The following DACH2 variants were observed in gnomAD, a reference collection of about 807,000 sequenced individuals.
DACH2 encodes the protein dachshund homolog 2.
DACH2 carries 17 observed loss-of-function variants against 35.8 expected under a neutral mutation model. That is an observed-to-expected ratio of 0.48 (90% CI 0.33 to 0.71). The LOEUF (loss-of-function observed/expected upper bound fraction) is 0.71. Among genes scored for constraint, DACH2 ranks in the 30% least tolerant of loss-of-function variants. The pLI is 0.02. For missense variants in DACH2, 469 were observed against 472.7 expected, an observed-to-expected ratio of 0.99 and a Z score of 0.07; for synonymous variants, 195 against 177.3, an observed-to-expected ratio of 1.10 and a Z score of -0.79.
intron 3 of DACH2, among the ~76,000 whole-genome samples, chrX:86,576,606 C>T (rs5968948): frequency 0.47 from 51,810 of 109,538 alleles, 10,708 homozygotes; most frequent in African/African-American, 0.8. Flanking sequence ...AATTTCAGAC[C>T]TAAACCAAAT....
intron 1 of DACH2, among the ~76,000 whole-genome samples, chrX:86,242,453 A>AC (rs2033186847): frequency 8.9e-6 from 1 of 111,822 alleles, no homozygotes; most frequent in Admixed American, 9.5e-5. Flanking sequence ...TAATGCCTGC[A>AC]CCCCCATTTT....
intron 1 of DACH2, among the ~76,000 whole-genome samples, chrX:86,247,066 T>C (rs2033300398): frequency 9.0e-6 from 1 of 111,294 alleles, no homozygotes; most frequent in Non-Finnish European, 1.9e-5. Flanking sequence ...CCAATGAAGA[T>C]GAAAAAGACA....
At chrX:86,383,919 A>C (rs1016705518) in intron 2 of DACH2, among the ~76,000 whole-genome samples, 2 of 111,034 alleles carry the variant, frequency 1.8e-5, no homozygotes, top group African/African-American at 6.5e-5. Context: ...TTGCATGTAC[A>C]TTTAATAATG....
At chrX:86,507,614 G>A (rs1331431254) in intron 2 of DACH2, among the ~76,000 whole-genome samples, 4 of 111,491 alleles carry the variant, frequency 3.6e-5, no homozygotes, top group Non-Finnish European at 7.5e-5. Context: ...TTAGCATGTA[G>A]TAAATTCACT....
chrX:86,426,562 C>A (rs753636910), intron 2 of DACH2, among the ~76,000 whole-genome samples: 6 of 111,764 alleles, frequency 5.4e-5, no homozygotes, highest in African/African-American at 1.6e-4. Flanking sequence ...CAGCGATATA[C>A]TTTTTCCCAT....
At chrX:86,444,216 GCTAGCA>G (rs1325684901) in intron 2 of DACH2, among the ~76,000 whole-genome samples, 1 of 111,375 alleles carries the variant, frequency 9.0e-6, no homozygotes, top group Non-Finnish European at 1.9e-5. Flanking sequence ...CTCCTAAATA[GCTAGCA>G]CTACAGGCAC....
intron 2 of DACH2, among the ~76,000 whole-genome samples, chrX:86,383,872 A>C (rs1029377700): frequency 7.3e-5 from 8 of 110,251 alleles, no homozygotes; most frequent in Non-Finnish European, 1.5e-4. Flanking sequence ...TGAATACTAA[A>C]ATTTCTTAGC....
At chrX:86,428,838 G>A in intron 2 of DACH2, among the ~76,000 whole-genome samples, 1 of 110,416 alleles carries the variant, frequency 9.1e-6, no homozygotes, top group East Asian at 2.8e-4. Context: ...TATTATGGGA[G>A]CTCATCCTTA....
chrX:86,303,387 A>G (rs2034613843), intron 1 of DACH2, among the ~76,000 whole-genome samples: 1 of 110,040 alleles, frequency 9.1e-6, no homozygotes, highest in African/African-American at 3.3e-5. Context: ...TATATTGGCT[A>G]TAGAGGGTGA....
intron 1 of DACH2, among the ~76,000 whole-genome samples, chrX:86,240,386 T>C (rs2033138644): frequency 9.1e-6 from 1 of 110,222 alleles, no homozygotes. Context: ...AAAGTTATTT[T>C]GCAATTGAAT....
intron 11 of DACH2, among the ~76,000 whole-genome samples, chrX:86,817,725 A>G (rs1028510033): frequency 8.9e-6 from 1 of 111,876 alleles, no homozygotes; most frequent in African/African-American, 3.2e-5. Context: ...AAATTATTTC[A>G]TTTCCATGTA....
chrX:86,517,587 T>A (rs1280242599), intron 3 of DACH2, among the ~76,000 whole-genome samples: 1 of 109,632 alleles, frequency 9.1e-6, no homozygotes, highest in African/African-American at 3.3e-5. Flanking sequence ...TGGCTAAATT[T>A]TTTTGTATTT....
chrX:86,212,059 A>T (rs1310143959), intron 1 of DACH2, among the ~76,000 whole-genome samples: 1 of 111,561 alleles, frequency 9.0e-6, no homozygotes. Flanking sequence ...ATATGTATAA[A>T]CTACTGTGGT....
At chrX:86,552,443 T>A (rs1473370233) in intron 3 of DACH2, among the ~76,000 whole-genome samples, 2 of 112,104 alleles carry the variant, frequency 1.8e-5, no homozygotes, top group African/African-American at 6.5e-5. Context: ...ATTCATTGCA[T>A]TAGGCATGGG....
intron 3 of DACH2, among the ~76,000 whole-genome samples, chrX:86,540,607 C>A (rs1323252610): frequency 8.9e-6 from 1 of 112,251 alleles, no homozygotes; most frequent in Non-Finnish European, 1.9e-5. Context: ...CATTTAGTTG[C>A]TGAACTTACA....
intron 4 of DACH2, among the ~76,000 whole-genome samples, chrX:86,679,964 A>G (rs772875365): frequency 9.0e-6 from 1 of 111,420 alleles, no homozygotes; most frequent in African/African-American, 3.3e-5. Context: ...CTAGTCTATT[A>G]GTGATTCACA....
chrX:86,215,008 G>T (rs2032536675), intron 1 of DACH2, among the ~76,000 whole-genome samples: 1 of 111,566 alleles, frequency 9.0e-6, no homozygotes, highest in South Asian at 3.7e-4. Flanking sequence ...CAGAGGGCGA[G>T]ATAGTTTCCT....
At chrX:86,829,392 T>C (rs1203920108) in intron 11 of DACH2, 1 of 112,461 alleles carries the variant, frequency 8.9e-6, no homozygotes, top group Admixed American at 9.4e-5. Flanking sequence ...ATTTCCAAAT[T>C]AAGTTACTTC....
intron 7 of DACH2, among the ~76,000 whole-genome samples, chrX:86,786,295 A>G (rs2042136706): frequency 8.9e-6 from 1 of 111,828 alleles, no homozygotes; most frequent in Admixed American, 9.5e-5. Flanking sequence ...TGCAATATTA[A>G]GTAGTAGAGT....
Sources: gnomAD v4.1 joint callset for allele counts (sites outside exome capture counted in the v4.1 genomes callset) on GRCh38, gnomAD v4.1.1 for gene constraint, MANE v1.5 for transcripts, NCBI Gene and HGNC (gene_info 2026-07-23, HGNC 2026-07-21) for gene names.